The following POLR3A variants were observed in gnomAD, a reference collection of about 807,000 sequenced individuals.
POLR3A encodes RNA polymerase III subunit A.
Under a neutral mutation model 152.8 loss-of-function variants are expected in POLR3A, and 112 were observed. The ratio of observed to expected loss-of-function variants is 0.73; its 90% confidence interval spans 0.63 to 0.86. POLR3A has a LOEUF of 0.86. Ranked by LOEUF, POLR3A falls within the 40% of genes least tolerant of loss-of-function variation. The pLI is 0.00. For missense variants in POLR3A, 1,385 were observed against 1,743.1 expected (o/e 0.79, Z 3.66); for synonymous variants, 615 against 652.1 (o/e 0.94, Z 0.87).
chr10:77,978,959 G>A (rs2131924477), intron 30 of POLR3A, among the ~76,000 whole-genome samples: 1 of 152,042 alleles, frequency 6.6e-6, no homozygotes, highest in Non-Finnish European at 1.5e-5. Flanking sequence ...ACCGCGCCCG[G>A]CCCACGCTTG....
At chr10:78,004,964 C>T in intron 15 of POLR3A, 76 bp from the exon 16 acceptor site, 1 of 1,139,464 alleles carries the variant, frequency 8.8e-7, no homozygotes, top group Admixed American at 1.7e-5. Context: ...TTTATGCCTG[C>T]TAGATATAGT....
chr10:78,027,600 G>A (rs1847649647), intron 1 of POLR3A, among the ~76,000 whole-genome samples: 1 of 152,108 alleles, frequency 6.6e-6, no homozygotes, highest in South Asian at 2.1e-4. Flanking sequence ...ACCCAGGCTG[G>A]AGTGCAGTGG....
chr10:77,988,030 G>A (rs1847214054), intron 21 of POLR3A, among the ~76,000 whole-genome samples: 1 of 152,200 alleles, frequency 6.6e-6, no homozygotes, highest in Admixed American at 6.5e-5. Context: ...AATTCCGTCT[G>A]TCTCCCAGGA....
chr10:77,997,272 T>C lies in POLR3A; in HGVS notation c.2616+2709A>G, dbSNP rs868565930. Among the ~76,000 whole-genome samples, 98 of 152,190 alleles carry C rather than the reference T, an allele frequency of 6.4e-4. No individual in the cohort carries two copies. In the Middle Eastern group the frequency reaches 0.014, roughly 21 times the overall value. ...GGCACAAGACAGGGATGCCCTCTCT[T>C]ACCACTCCTATTCAACATAGTGTTG... On this transcript the variant is annotated intron_variant, in intron 19 of 30. Transcript: ENST00000372371.
At chr10:77,992,688 G>C (rs374404705) in intron 20 of POLR3A, among the ~76,000 whole-genome samples, 2 of 151,598 alleles carry the variant, frequency 1.3e-5, no homozygotes, top group Non-Finnish European at 2.9e-5. Context: ...TGATCTGCCC[G>C]ATGTCTGGCT....
chr10:78,006,121 G>A (rs1234141809), intron 15 of POLR3A, among the ~76,000 whole-genome samples: 1 of 152,130 alleles, frequency 6.6e-6, no homozygotes, highest in Non-Finnish European at 1.5e-5. Flanking sequence ...AACAGCCTGG[G>A]CATAGTGGCT....
intron 14 of POLR3A, 134 bp from the exon 15 acceptor site, chr10:78,008,000 GC>G: frequency 6.3e-6 from 1 of 158,282 alleles, no homozygotes; most frequent in Non-Finnish European, 1.2e-5. Flanking sequence ...TCTCCTCAAA[GC>G]TTTTTTTTGG....
chr10:78,017,838 T>C, intron 9 of POLR3A, 122 bp from the exon 10 acceptor site: 1 of 1,118,958 alleles, frequency 8.9e-7, no homozygotes, highest in Non-Finnish European at 1.3e-6. Context: ...GCCTCCATTT[T>C]AATGTCATAT....
At chr10:78,000,876 A>T in intron 18 of POLR3A, 100 bp downstream of exon 18, 1 of 723,232 alleles carries the variant, frequency 1.4e-6, no homozygotes, top group East Asian at 2.7e-5. Flanking sequence ...ACTCCACATG[A>T]AATTGGCCAA....
Position 78,009,897 on chromosome 10 carries a change from A to G in POLR3A, c.1737T>C (p.Ile579=), listed in dbSNP as rs890963581. ...TTGTAGGCGGTGGGAGGCGAACTTT[A>G]ATTTTCTCATCCTTGCCAACCAGTA... The part of the protein sequence containing the change: ...ASILVGKDEK[I]KVRLPPPTIL... Residue 579 remains isoleucine (I), a synonymous_variant, in exon 13 of 31, where the codon ATT becomes ATC. Transcript: ENST00000372371. The G allele has an allele frequency of 6.2e-7, 1 of 1,614,006 alleles. No homozygotes were observed. Among genetic ancestry groups the G allele is most frequent in the Non-Finnish European group, 8.5e-7 (1 of 1,180,016 alleles).
chr10:77,996,016 A>G (rs1177368779), intron 19 of POLR3A, among the ~76,000 whole-genome samples: 2 of 152,108 alleles, frequency 1.3e-5, no homozygotes, highest in African/African-American at 2.4e-5. Flanking sequence ...CTCACTCAAA[A>G]CCGCTCAACT....
intron 29 of POLR3A, among the ~76,000 whole-genome samples, chr10:77,980,655 T>C (rs1231372754): frequency 2.0e-5 from 3 of 152,206 alleles, no homozygotes; most frequent in African/African-American, 4.8e-5. Context: ...AAAGGAATAT[T>C]GTGCCATAAT....
intron 8 of POLR3A, 150 bp from the exon 9 acceptor site, chr10:78,019,415 AT>A (rs1847556366): frequency 1.5e-6 from 1 of 665,578 alleles, no homozygotes; most frequent in African/African-American, 1.8e-5. Flanking sequence ...GGTCTTGAGT[AT>A]AATGTGAACA....
In POLR3A at chr10:77,999,965, C is replaced by T. The variant is rs753788100; in HGVS notation, c.2616+16G>A. ...GTCCTGCTCTGTTGCTAATGGCCTA[C>T]ATTTCTTCAGGTTACCTGCATGTAT... On this transcript the variant is annotated intron_variant, in intron 19 of 30. Transcript: ENST00000372371. 7 of 1,613,654 alleles carry T rather than the reference C, an allele frequency of 4.3e-6. No homozygotes were observed. Among genetic ancestry groups the T allele is most frequent in the Non-Finnish European group, 1.7e-6 (2 of 1,179,668 alleles).
chr10:77,987,392 GCT>G (rs1847207806), intron 21 of POLR3A, among the ~76,000 whole-genome samples: 1 of 152,124 alleles, frequency 6.6e-6, no homozygotes, highest in African/African-American at 2.4e-5. Context: ...GCATTCAGCT[GCT>G]CTGTGTGTCT....
chr10:78,029,473 C>G lies in POLR3A; in HGVS notation c.-66G>C, dbSNP rs551403571. The G allele has an allele frequency of 2.0e-6, 3 of 1,532,098 alleles. No individual in the cohort carries two copies. Among genetic ancestry groups the G allele is most frequent in the Non-Finnish European group, 2.7e-6 (3 of 1,107,332 alleles). 94.9% of individuals were successfully genotyped at this position (1,532,098 alleles called of 1,614,324 possible). ...CAGATTAGAGAAACGATGCCCCCAG[C>G]ACCTCCTGGGGCTGCTTCTGGACTC... On this transcript the variant is annotated 5_prime_UTR_variant, in exon 1 of 31. Transcript: ENST00000372371.
intron 14 of POLR3A, 148 bp from the exon 15 acceptor site, chr10:78,008,014 G>A: frequency 2.2e-6 from 1 of 450,132 alleles, no homozygotes. Flanking sequence ...TTTTTTGGGG[G>A]GAGGGAGGGG....
chr10:77,986,947 G>A (rs80034355), intron 21 of POLR3A, among the ~76,000 whole-genome samples: 1,814 of 152,288 alleles, frequency 0.012, 25 homozygotes, highest in East Asian at 0.065. Flanking sequence ...CCTGACTCAG[G>A]TTTTCTGGCA....
chr10:78,008,886 GT>G (rs1277516538), intron 14 of POLR3A, among the ~76,000 whole-genome samples: 2 of 150,976 alleles, frequency 1.3e-5, no homozygotes, highest in Non-Finnish European at 2.9e-5. Context: ...GCTGGGTGCA[GT>G]GGCTCATGCC....
Sources: gnomAD v4.1 joint callset for allele counts (sites outside exome capture counted in the v4.1 genomes callset) on GRCh38, gnomAD v4.1.1 for gene constraint, MANE v1.5 for transcripts, NCBI Gene and HGNC (gene_info 2026-07-23, HGNC 2026-07-21) for gene names.